TXLNA: variants seen among roughly 807,000 people sequenced by gnomAD.
TXLNA encodes the protein alpha-taxilin.
TXLNA carries 9 observed loss-of-function variants against 61.4 expected under a neutral mutation model. The observed-to-expected ratio is 0.15, with a 90% CI of 0.09 to 0.26. The LOEUF is 0.26. TXLNA is among the 10% of genes least tolerant of loss of function. The pLI, the probability that TXLNA is intolerant of heterozygous loss-of-function variation, is 1.00. For synonymous variants in TXLNA, 257 were observed against 267.7 expected, an observed-to-expected ratio of 0.96 and a Z score of 0.39; for missense variants, 565 against 688.8, an observed-to-expected ratio of 0.82 and a Z score of 2.01.
chr1:32,195,896 CCT>C lies in TXLNA; in HGVS notation c.*706_*707del. Reference sequence around the variant, plus strand: ...TCAGTAGCCTTATCATTCACAGGTGCCTCTCTAGCCTGCACAAATGATTGACA... The same window carrying C: ...TCAGTAGCCTTATCATTCACAGGTGCCTCTAGCCTGCACAAATGATTGACA... On this transcript the variant is annotated 3_prime_UTR_variant, in exon 11 of 11. Transcript: ENST00000373610. 2 of 364,246 alleles carry C rather than the reference CCT, an allele frequency of 5.5e-6. No individual in the cohort carries two copies. Among genetic ancestry groups the C allele is most frequent in the Admixed American group, 6.6e-5 (2 of 30,510 alleles). 22.6% of individuals were successfully genotyped at this position (364,246 alleles called of 1,614,324 possible).
intron 3 of TXLNA, among the ~76,000 whole-genome samples, chr1:32,183,645 T>C (rs1642719176): frequency 6.7e-6 from 1 of 149,440 alleles, no homozygotes; most frequent in African/African-American, 2.5e-5. Context: ...TTAGCCAGGA[T>C]GGTTTTGATC....
chr1:32,189,968 T>C, intron 5 of TXLNA, 87 bp from the exon 6 acceptor site: 3 of 1,396,724 alleles, frequency 2.1e-6, no homozygotes, highest in Non-Finnish European at 2.9e-6. Context: ...CAGGGAGGGC[T>C]GTTGGCAGAG....
chr1:32,187,853 A>G, intron 4 of TXLNA, 101 bp from the exon 5 acceptor site: 1 of 1,314,238 alleles, frequency 7.6e-7, no homozygotes, highest in South Asian at 1.5e-5. Flanking sequence ...CTGAGAGGGT[A>G]AGGGTCAGGG....
chr1:32,183,138 A>G (rs1335440640), intron 3 of TXLNA, among the ~76,000 whole-genome samples: 1 of 149,100 alleles, frequency 6.7e-6, no homozygotes, highest in African/African-American at 2.5e-5. Context: ...CCCCACCCCC[A>G]ACTGAGATGG....
At chr1:32,183,463 T>A (rs1569598203) in intron 3 of TXLNA, among the ~76,000 whole-genome samples, 1 of 99,568 alleles carries the variant, frequency 1.0e-5, no homozygotes, top group Non-Finnish European at 2.0e-5. Flanking sequence ...AGCCTCGCTC[T>A]GTCCCTAGGT....
chr1:32,196,741 C>T lies in TXLNA; in HGVS notation c.*1546C>T, dbSNP rs1274555536. ...TTTTTCTTTGAAGCTAGTTCATTGT[C>T]CTGCAGGTCCCTTCATCTTCCATAC... On this transcript the variant is annotated 3_prime_UTR_variant, in exon 11 of 11. Coordinates refer to ENST00000373610, the MANE Select transcript of TXLNA (RefSeq NM_175852.4). The T allele has an allele frequency of 6.6e-6, 1 of 152,248 alleles. No homozygotes were observed. The highest frequency in any genetic ancestry group is 1.5e-5 in the Non-Finnish European group (1 of 68,068). 9.4% of individuals were successfully genotyped at this position (152,248 alleles called of 1,614,324 possible). A position where few individuals can be genotyped will look rare whatever the true frequency, so the allele number is the denominator to read the frequency against.
chr1:32,181,511 C>G lies in TXLNA; in HGVS notation c.439C>G (p.Gln147Glu). The G allele has an allele frequency of 6.2e-7, 1 of 1,602,548 alleles. No individual in the cohort carries two copies. Among genetic ancestry groups the G allele is most frequent in the Non-Finnish European group, 8.5e-7 (1 of 1,174,286 alleles). ...KGDPNTEEIR[Q>E]SDEVGDRDHR... ...GGATCCAAACACAGAAGAGATCCGGCAGAGTGACGAGGTCGGAGACCGAGA... is the reference window on the plus strand; with the variant it reads ...GGATCCAAACACAGAAGAGATCCGGGAGAGTGACGAGGTCGGAGACCGAGA... Residue 147 changes from glutamine (Q) to glutamate (E), a missense_variant, in exon 3 of 11, where the codon CAG (glutamine) becomes GAG (glutamate). Transcript: ENST00000373610.
intron 3 of TXLNA, among the ~76,000 whole-genome samples, chr1:32,183,186 C>T (rs1314406855): frequency 7.2e-5 from 11 of 151,804 alleles, no homozygotes; most frequent in African/African-American, 1.5e-4. Context: ...TGCACTGGCG[C>T]GATCTCAGCT....
rs1289208586 is a variant in TXLNA, at chr1:32,180,509, C to A, written c.164C>A (p.Pro55Gln). The A allele has an allele frequency of 6.3e-7, 1 of 1,599,888 alleles. No individual in the cohort carries two copies. The highest frequency in any genetic ancestry group is 8.5e-7 in the Non-Finnish European group (1 of 1,173,462). The change falls in exon 2 of 11, where the codon CCG becomes CAG. Residue 55 changes from proline to glutamine, a missense_variant. Around this residue, in one of 2 missense-constraint regions of TXLNA, gnomAD observed 192 missense variants for 184.8 expected, o/e 1.04. Coordinates refer to ENST00000373610, the MANE Select transcript of TXLNA (RefSeq NM_175852.4). ...GGCAGCAGCCAGGCTCCTCGGAAGCCGGAGGGTGTGTGCCAGCTCTGCGTT... is the reference window on the plus strand; with the variant it reads ...GGCAGCAGCCAGGCTCCTCGGAAGCAGGAGGGTGTGTGCCAGCTCTGCGTT... ...GPGSSQAPRK[P>Q]EGAQARTAQS...
At chr1:32,182,460 G>A (rs546407416) in intron 3 of TXLNA, among the ~76,000 whole-genome samples, 14 of 151,870 alleles carry the variant, frequency 9.2e-5, no homozygotes, top group African/African-American at 2.9e-4. Flanking sequence ...TCAGGAGTTC[G>A]AGAACAGCCT....
chr1:32,186,280 T>A (rs1041941792), intron 4 of TXLNA, among the ~76,000 whole-genome samples: 4 of 152,148 alleles, frequency 2.6e-5, no homozygotes, highest in Admixed American at 1.3e-4. Context: ...GGTAACCACA[T>A]GGCTAGGTCT....
At chr1:32,186,218 T>G (rs989231966) in intron 4 of TXLNA, among the ~76,000 whole-genome samples, 12 of 151,866 alleles carry the variant, frequency 7.9e-5, no homozygotes, top group Admixed American at 6.6e-4. Context: ...TAGAGTGGTG[T>G]TGTGAGTAGA....
chr1:32,182,831 G>T (rs566534708), intron 3 of TXLNA, among the ~76,000 whole-genome samples: 361 of 151,806 alleles, frequency 2.4e-3, no homozygotes, highest in Non-Finnish European at 3.5e-3. Flanking sequence ...ACTTTGGGAG[G>T]CCAAGGCAGG....
rs756787437 is a variant in TXLNA at position 32,184,532 on chromosome 1, G to T, written c.513G>T (p.Glu171Asp). The change falls in exon 4 of 11, where the codon GAG becomes GAT. Residue 171 changes from glutamate to aspartate, a missense_variant. Around this residue, in one of 2 missense-constraint regions of TXLNA, gnomAD observed 373 missense variants for 504.0 expected, o/e 0.74. Coordinates refer to ENST00000373610, the MANE Select transcript of TXLNA (RefSeq NM_175852.4). ...TGCTCCTGTGCTTTTCAGGGAAGGA[G>T]ATCACGTTGCTGATGCAGACATTGA... is the stretch of plus-strand genomic sequence containing the variant. The part of the protein sequence containing the change: ...EKKKAKGLGK[E>D]ITLLMQTLNT... 1 of 1,612,870 alleles carries T rather than the reference G, an allele frequency of 6.2e-7. No homozygotes were observed. Among genetic ancestry groups the T allele is most frequent in the Non-Finnish European group, 8.5e-7 (1 of 1,178,868 alleles).
chr1:32,193,305 CTG>C lies in TXLNA; in HGVS notation c.1251+8_1251+9del, dbSNP rs776223779. The C allele has an allele frequency of 1.9e-6, 3 of 1,609,508 alleles. No homozygotes were observed. Among genetic ancestry groups the C allele is most frequent in the African/African-American group, 1.3e-5 (1 of 74,746 alleles). Reference sequence around the variant, plus strand: ...TTCAAGCAGGAGATGGAAAAGGTAACTGTGGTCCAGGCCAGGCATGGCTGCTG... The same window carrying C: ...TTCAAGCAGGAGATGGAAAAGGTAACTGGTCCAGGCCAGGCATGGCTGCTG... On this transcript the variant is annotated splice_donor_region_variant and intron_variant, in intron 9 of 10. Coordinates refer to ENST00000373610, the MANE Select transcript of TXLNA (RefSeq NM_175852.4).
chr1:32,182,456 G>A (rs1642685396), intron 3 of TXLNA, among the ~76,000 whole-genome samples: 1 of 151,970 alleles, frequency 6.6e-6, no homozygotes, highest in South Asian at 2.1e-4. Context: ...AGGGTCAGGA[G>A]TTCGAGAACA....
intron 6 of TXLNA, 53 bp downstream of exon 6, chr1:32,190,302 G>T: frequency 1.3e-6 from 2 of 1,523,704 alleles, no homozygotes; most frequent in Non-Finnish European, 1.8e-6. Context: ...GGTTTTGAGT[G>T]TGTGCTAGGC....
At position 32,195,118 on chromosome 1, in the gene TXLNA, C is replaced by T. The variant is rs148483538; in HGVS notation, c.1564C>T (p.Pro522Ser). The change falls in exon 11 of 11, where the codon CCT (proline) becomes TCT (serine). Residue 522 changes from proline to serine, a missense_variant. Physicochemically the swap from Pro to Ser is moderately conservative, Grantham distance 74 (BLOSUM62 -1). This residue lies in a region of TXLNA where 373 missense variants were observed against 504.0 expected (regional missense o/e 0.74). Transcript: ENST00000373610. ...CAGCTCCCCCAGGGTCACAGAAGCG[C>T]CTTGCTACCCAGGAGCACCGAGCAC... ...APSSPRVTEAPCYPGAPSTEA... is the reference protein window; with the variant it reads ...APSSPRVTEASCYPGAPSTEA... 8 of 1,613,932 alleles carry T rather than the reference C, an allele frequency of 5.0e-6. No individual in the cohort carries two copies. In the Admixed American group the frequency reaches 6.7e-5, roughly 13 times the overall value.
Position 32,196,452 on chromosome 1 carries a change from C to CT in TXLNA, c.*1258dup, listed in dbSNP as rs1331575530. ...CTGTGTGGGAGCCCATAGCTGTTGT[C>CT]TAACAGGTAAGAAATGAAATTGAAC... On this transcript the variant is annotated 3_prime_UTR_variant, in exon 11 of 11. Transcript: ENST00000373610. 8.5e-5 allele frequency: 13 copies of CT among 152,298 alleles called. No individual in the cohort carries two copies. The highest frequency in any genetic ancestry group is 3.1e-4 in the African/African-American group (13 of 41,546). 9.4% of individuals were successfully genotyped at this position (152,298 alleles called of 1,614,324 possible). A position where few individuals can be genotyped will look rare whatever the true frequency, so the allele number is the denominator to read the frequency against.
Sources: allele counts gnomAD v4.1 joint callset (sites outside exome capture counted in the v4.1 genomes callset), GRCh38; gene constraint gnomAD v4.1.1; regional missense constraint gnomAD v4.1.1; transcripts MANE v1.5; gene names NCBI Gene and HGNC (gene_info 2026-07-23, HGNC 2026-07-21).